The following GUCY2C variants were observed in gnomAD, a reference collection of about 807,000 sequenced individuals.
GUCY2C encodes guanylate cyclase 2C, also known as guanylyl cyclase C.
GUCY2C carries 118 observed loss-of-function variants against 131.1 expected under a neutral mutation model. The ratio of observed to expected loss-of-function variants is 0.90; its 90% confidence interval spans 0.78 to 1.05. The LOEUF (loss-of-function observed/expected upper bound fraction) is 1.05, where lower values mean the gene tolerates loss of function less well. Ranked by LOEUF, GUCY2C falls within the 50% of genes least tolerant of loss-of-function variation. The probability of loss-of-function intolerance (pLI) is 0.00; values close to 1 mark genes in which losing one functional copy is unlikely to be tolerated. For missense variants in GUCY2C, 1,161 were observed against 1,304.4 expected (o/e 0.89, Z 1.69); for synonymous variants, 452 against 457.8 (o/e 0.99, Z 0.16).
At chr12:14,674,848 G>A in intron 7 of GUCY2C, 88 bp from the exon 8 acceptor site, 1 of 1,014,186 alleles carries the variant, frequency 9.9e-7, no homozygotes, top group Non-Finnish European at 1.5e-6. Flanking sequence ...GGATCAGCAG[G>A]GTTACTGGAA....
chr12:14,658,670 G>A (rs987722032), intron 11 of GUCY2C, among the ~76,000 whole-genome samples: 1 of 151,450 alleles, frequency 6.6e-6, no homozygotes. Flanking sequence ...AGTGAGACTC[G>A]GTCTCAAAAA....
chr12:14,633,476 G>A (rs7310781), intron 19 of GUCY2C, among the ~76,000 whole-genome samples: 66,472 of 151,920 alleles, frequency 0.44, 15,506 homozygotes, highest in East Asian at 0.65. Context: ...CAGATGCACA[G>A]ATATCAACAT....
intron 11 of GUCY2C, among the ~76,000 whole-genome samples, chr12:14,657,977 A>G (rs1335756677): frequency 1.3e-5 from 2 of 152,186 alleles, no homozygotes; most frequent in Non-Finnish European, 2.9e-5. Context: ...TGGTATTGAT[A>G]AACTTTTTTT....
At chr12:14,671,765 T>G (rs1227440298) in intron 9 of GUCY2C, among the ~76,000 whole-genome samples, 1 of 152,248 alleles carries the variant, frequency 6.6e-6, no homozygotes, top group African/African-American at 2.4e-5. Flanking sequence ...TCATCCCAGA[T>G]GCAAATAACT....
intron 19 of GUCY2C, among the ~76,000 whole-genome samples, chr12:14,637,669 C>T (rs951741647): frequency 2.6e-5 from 4 of 152,028 alleles, no homozygotes; most frequent in African/African-American, 7.2e-5. Flanking sequence ...ACAACGGCTC[C>T]AAGAACATAC....
chr12:14,677,092 C>T lies in GUCY2C; in HGVS notation c.831-121G>A, dbSNP rs545906174. The T allele has an allele frequency of 3.6e-5, 13 of 363,442 alleles. No homozygotes were observed. In the South Asian group the frequency reaches 4.1e-4, roughly 11 times the overall value. 22.5% of individuals were successfully genotyped at this position (363,442 alleles called of 1,614,324 possible). A position where few individuals can be genotyped will look rare whatever the true frequency, so the allele number is the denominator to read the frequency against. ...GTTTAAAACATTTTTTTTCATTAAT[C>T]TGCAAAACTTTCTACTTTCCCCAGA... On this transcript the variant is annotated intron_variant, in intron 6 of 26. Coordinates refer to ENST00000261170, the MANE Select transcript of GUCY2C (RefSeq NM_004963.4).
chr12:14,619,994 A>T (rs750590233), intron 23 of GUCY2C, among the ~76,000 whole-genome samples: 2 of 152,250 alleles, frequency 1.3e-5, no homozygotes, highest in African/African-American at 2.4e-5. Context: ...CAGAAGTTAA[A>T]GATTAACTCA....
chr12:14,622,889 T>C (rs1395598137), intron 21 of GUCY2C, among the ~76,000 whole-genome samples: 1 of 141,248 alleles, frequency 7.1e-6, no homozygotes, highest in Non-Finnish European at 1.5e-5. Flanking sequence ...AGATTCAAGA[T>C]TGAAGGAAGA....
At chr12:14,661,619 T>C (rs939669413) in intron 10 of GUCY2C, among the ~76,000 whole-genome samples, 6 of 152,062 alleles carry the variant, frequency 3.9e-5, no homozygotes, top group African/African-American at 1.4e-4. Context: ...TTGTATTTTT[T>C]GTAGAAATGG....
chr12:14,636,057 CA>C (rs1947263017), intron 19 of GUCY2C, among the ~76,000 whole-genome samples: 1 of 152,124 alleles, frequency 6.6e-6, no homozygotes, highest in Non-Finnish European at 1.5e-5. Flanking sequence ...TAATTCTCTT[CA>C]AACTATTCAA....
At chr12:14,671,045 T>G (rs983911059) in intron 9 of GUCY2C, among the ~76,000 whole-genome samples, 1 of 151,694 alleles carries the variant, frequency 6.6e-6, no homozygotes, top group Admixed American at 6.6e-5. Flanking sequence ...CCAGCCCCCG[T>G]GATTCAATTA....
chr12:14,625,576 A>G (rs1027366584), intron 21 of GUCY2C, among the ~76,000 whole-genome samples, 181 bp downstream of exon 21: 3 of 151,904 alleles, frequency 2.0e-5, no homozygotes, highest in African/African-American at 7.3e-5. Context: ...CTCATGATCC[A>G]CCTGCCTCAG....
chr12:14,620,678 T>C (rs1321765647), intron 23 of GUCY2C, among the ~76,000 whole-genome samples: 1 of 152,128 alleles, frequency 6.6e-6, no homozygotes, highest in East Asian at 1.9e-4. Flanking sequence ...CTTAAGATAC[T>C]ATAATATTTT....
rs753510284 is a variant in GUCY2C at position 14,621,039 on chromosome 12, T to C, written c.2776+3A>G. 1.2e-6 allele frequency: 2 copies of C among 1,612,936 alleles called. No individual in the cohort carries two copies. Among genetic ancestry groups the C allele is most frequent in the Admixed American group, 3.3e-5 (2 of 59,924 alleles). On this transcript the variant is annotated splice_donor_region_variant and intron_variant, in intron 23 of 26. Transcript: ENST00000261170. ...CAATTTGCTAAGATGCTCAACTCCA[T>C]ACCAGAGTGAACTCCAATGCGAATC...
intron 1 of GUCY2C, among the ~76,000 whole-genome samples, chr12:14,692,646 G>A (rs991284212): frequency 3.9e-5 from 6 of 152,140 alleles, no homozygotes; most frequent in East Asian, 3.9e-4. Flanking sequence ...TCAGGAGTTC[G>A]AGATCAGCCT....
chr12:14,632,905 A>G (rs1947178332), intron 19 of GUCY2C, among the ~76,000 whole-genome samples: 1 of 152,052 alleles, frequency 6.6e-6, no homozygotes, highest in East Asian at 1.9e-4. Flanking sequence ...ACCAGCATAT[A>G]CCACTTGTGG....
chr12:14,626,833 T>G (rs1947028598), intron 20 of GUCY2C, among the ~76,000 whole-genome samples: 1 of 152,180 alleles, frequency 6.6e-6, no homozygotes, highest in Non-Finnish European at 1.5e-5. Flanking sequence ...GGGAAACAGG[T>G]GACGTTTTAC....
Position 14,651,506 on chromosome 12 carries a change from A to G in GUCY2C, c.1611T>C (p.Leu537=). ...EKQKIELNKL[L]QIDYYNLTKF... The stretch of plus-strand genomic sequence containing the variant: ...TGGTCAGGTTGTAATAGTCAATCTG[A>G]AGCAACTAGAAGAACGTGTTTGTTT... Residue 537 remains leucine, a synonymous_variant, in exon 15 of 27, where the codon CTT becomes CTC. Coordinates refer to ENST00000261170, the MANE Select transcript of GUCY2C (RefSeq NM_004963.4). 6.4e-7 allele frequency: 1 copy of G among 1,552,666 alleles called. No homozygotes were observed. Among genetic ancestry groups the G allele is most frequent in the Non-Finnish European group, 8.9e-7 (1 of 1,125,868 alleles).
chr12:14,685,845 AAT>A (rs1183954017), intron 3 of GUCY2C, among the ~76,000 whole-genome samples: 1 of 152,130 alleles, frequency 6.6e-6, no homozygotes, highest in Admixed American at 6.6e-5. Flanking sequence ...TACTTTTGTG[AAT>A]ATTTTATTTA....
Sources: allele counts gnomAD v4.1 joint callset (sites outside exome capture counted in the v4.1 genomes callset), GRCh38; gene constraint gnomAD v4.1.1; transcripts MANE v1.5; gene names NCBI Gene and HGNC (gene_info 2026-07-23, HGNC 2026-07-21).